GABBR2: variants seen among roughly 807,000 people sequenced by gnomAD.
The protein encoded by GABBR2 is gamma-aminobutyric acid type B receptor subunit 2.
In GABBR2, 23 loss-of-function variants were observed where a neutral mutation model predicts 105.6. The ratio of observed to expected loss-of-function variants is 0.22; its 90% CI spans 0.16 to 0.31. The LOEUF is 0.31. GABBR2 is among the 10% of genes least tolerant of loss of function. The pLI, the probability that GABBR2 is intolerant of heterozygous loss-of-function variation, is 1.00. For synonymous variants in GABBR2, 478 were observed against 499.7 expected (o/e 0.96, Z 0.58); for missense variants, 734 against 1,245.5 (o/e 0.59, Z 6.18).
At chr9:98,380,978 T>C (rs935983327) in intron 11 of GABBR2, among the ~76,000 whole-genome samples, 1 of 152,246 alleles carries the variant, frequency 6.6e-6, no homozygotes, top group Admixed American at 6.5e-5. Flanking sequence ...GAACTGTGAC[T>C]TCGGCTGCGC....
At position 98,306,228 on chromosome 9, in the gene GABBR2, C is replaced by A. The variant is rs267602049; in HGVS notation, c.2122G>T (p.Ala708Ser). 2.1e-5 allele frequency: 34 copies of A among 1,613,920 alleles called. No individual in the cohort carries two copies. Among genetic ancestry groups the A allele is most frequent in the Non-Finnish European group, 2.8e-5 (33 of 1,179,932 alleles). The change falls in exon 15 of 19, where the codon GCT (alanine) becomes TCT (serine). Residue 708 changes from alanine to serine, a missense_variant. Physicochemically the swap from Ala to Ser is moderately conservative, Grantham distance 99 (BLOSUM62 1). This residue lies in a region of GABBR2 where 91 missense variants were observed against 185.9 expected (regional missense o/e 0.49). Transcript: ENST00000259455. The surrounding 1 kb of genome is among the most constrained non-coding windows in gnomAD (Gnocchi z 5.4). ...TGGTCCCGGGTCAGGAAGGAGACAG[C>A]GGCCCCGATGATGCACATGATCCCC... is the stretch of plus-strand genomic sequence containing the variant. ...NVGIMCIIGA[A>S]VSFLTRDQPN... is the part of the protein sequence containing the mutation.
At chr9:98,439,975 C>G (rs186717857) in intron 7 of GABBR2, among the ~76,000 whole-genome samples, 2 of 152,216 alleles carry the variant, frequency 1.3e-5, no homozygotes, top group Non-Finnish European at 2.9e-5. Context: ...AGGGCCAAAG[C>G]ACCATCATTC....
At chr9:98,307,525 ATT>A (rs1429010588) in intron 14 of GABBR2, among the ~76,000 whole-genome samples, 1 of 152,160 alleles carries the variant, frequency 6.6e-6, no homozygotes, top group Non-Finnish European at 1.5e-5. Context: ...TGCATGAACC[ATT>A]TAACATCACA....
At position 98,514,399 on chromosome 9, in the gene GABBR2, T is replaced by TATA. The variant is rs144710548; in HGVS notation, c.631-17888_631-17886dup. Among the ~76,000 whole-genome samples, 18 of 110,010 alleles carry TATA rather than the reference T, an allele frequency of 1.6e-4. 2 individuals are homozygous for TATA. The highest frequency in any genetic ancestry group is 2.1e-4 in the East Asian group (1 of 4,664). The allele number at this position is 110,010 out of a possible 152,430, so 72.2% of individuals were successfully genotyped here. A position where few individuals can be genotyped will look rare whatever the true frequency, so the allele number is the denominator to read the frequency against. ...TGCACATGTACCCTAAAACTTAAAG[T>TATA]ATAATAATAATAATAATAATAATAA... On this transcript the variant is annotated intron_variant, in intron 3 of 18. Transcript: ENST00000259455.
At position 98,682,241 on chromosome 9, in the gene GABBR2, C is replaced by CA. The variant is rs1321061976; in HGVS notation, c.321+26175dup. Reference sequence around the variant, plus strand: ...AAGACTTCATCTCAGAAAAAAAAAACAAAACAAAAAAAAACCCAAAACAAA... The same window carrying CA: ...AAGACTTCATCTCAGAAAAAAAAAACAAAAACAAAAAAAAACCCAAAACAAA... On this transcript the variant is annotated intron_variant, in intron 1 of 18. Transcript: ENST00000259455. 5.0e-5 allele frequency among the ~76,000 whole-genome samples: 7 copies of CA among 140,936 alleles called. No individual in the cohort carries two copies. The South Asian group carries it at 9.1e-4, about 18-fold the overall frequency. 92.5% of individuals were successfully genotyped at this position (140,936 alleles called of 152,430 possible).
chr9:98,644,875 A>G (rs1383187784), intron 1 of GABBR2, among the ~76,000 whole-genome samples: 1 of 152,168 alleles, frequency 6.6e-6, no homozygotes, highest in Non-Finnish European at 1.5e-5. Context: ...TGGGAATGTA[A>G]CATTCTGATA....
chr9:98,298,910 G>A (rs1287699444), intron 17 of GABBR2, among the ~76,000 whole-genome samples: 1 of 152,174 alleles, frequency 6.6e-6, no homozygotes, highest in Non-Finnish European at 1.5e-5. Context: ...TATTCGCTAA[G>A]AACAAAAGGG....
chr9:98,529,939 C>T (rs56177517), intron 3 of GABBR2, among the ~76,000 whole-genome samples: 21,856 of 152,180 alleles, frequency 0.14, 2,418 homozygotes, highest in African/African-American at 0.31. Context: ...GCTATCGAGC[C>T]CCAACAGACT....
At chr9:98,494,756 A>G (rs1263133860) in intron 4 of GABBR2, among the ~76,000 whole-genome samples, 3 of 152,288 alleles carry the variant, frequency 2.0e-5, no homozygotes, top group African/African-American at 7.2e-5. Flanking sequence ...AAAGGTGGCT[A>G]TTTCGGCTGT....
chr9:98,372,609 G>A (rs1170557834), intron 11 of GABBR2, among the ~76,000 whole-genome samples: 6 of 152,216 alleles, frequency 3.9e-5, no homozygotes, highest in Admixed American at 2.0e-4. Context: ...TCTGCATCCA[G>A]AGGAACTGAG....
chr9:98,333,140 C>T (rs908824229), intron 13 of GABBR2, among the ~76,000 whole-genome samples: 2 of 152,022 alleles, frequency 1.3e-5, no homozygotes, highest in African/African-American at 4.8e-5. Context: ...AGCCAAAGGC[C>T]GGGTAATAAA....
intron 1 of GABBR2, among the ~76,000 whole-genome samples, chr9:98,670,379 G>A (rs1830392334): frequency 6.6e-6 from 1 of 152,112 alleles, no homozygotes; most frequent in South Asian, 2.1e-4. Context: ...GGAACCCTTG[G>A]GCACTGTTGG....
intron 3 of GABBR2, among the ~76,000 whole-genome samples, chr9:98,531,782 A>C (rs1046550758): frequency 1.3e-5 from 2 of 152,222 alleles, no homozygotes; most frequent in African/African-American, 4.8e-5. Flanking sequence ...CATTGATCAA[A>C]TGCCTTTCCC....
At chr9:98,418,741 C>T (rs766394295) in intron 7 of GABBR2, among the ~76,000 whole-genome samples, 1 of 152,194 alleles carries the variant, frequency 6.6e-6, no homozygotes, top group Non-Finnish European at 1.5e-5. Flanking sequence ...GTGATGCCTA[C>T]AGAGTTGGCA....
chr9:98,660,949 A>G (rs1830251731), intron 1 of GABBR2, among the ~76,000 whole-genome samples: 1 of 152,234 alleles, frequency 6.6e-6, no homozygotes, highest in Admixed American at 6.5e-5. Context: ...TCTGTTGCCT[A>G]GGCTGGAGTG....
chr9:98,627,275 C>A (rs1829752009), intron 1 of GABBR2, among the ~76,000 whole-genome samples: 1 of 152,124 alleles, frequency 6.6e-6, no homozygotes, highest in African/African-American at 2.4e-5. Context: ...CTGTGGCCCT[C>A]TCCATCATCT....
At chr9:98,415,216 T>C (rs1220896854) in intron 7 of GABBR2, among the ~76,000 whole-genome samples, 1 of 152,198 alleles carries the variant, frequency 6.6e-6, no homozygotes, top group Non-Finnish European at 1.5e-5. Context: ...TACTTTTTAA[T>C]ACTTTACCTA....
chr9:98,371,710 C>A, intron 11 of GABBR2, 139 bp from the exon 12 acceptor site: 1 of 614,014 alleles, frequency 1.6e-6, no homozygotes, highest in Non-Finnish European at 2.9e-6. Context: ...TCATTGGCAT[C>A]TTTCAATCAA....
chr9:98,573,498 G>T (rs1407708084), intron 2 of GABBR2, among the ~76,000 whole-genome samples: 1 of 152,138 alleles, frequency 6.6e-6, no homozygotes, highest in African/African-American at 2.4e-5. Flanking sequence ...TCCCCAGGCT[G>T]GCCTCAAACC....
Sources: gnomAD v4.1 joint callset for allele counts (sites outside exome capture counted in the v4.1 genomes callset) on GRCh38, gnomAD v4.1.1 for gene constraint, gnomAD v4.1.1 regional missense constraint, Gnocchi (gnomAD v3.1) non-coding constraint, MANE v1.5 for transcripts, NCBI Gene and HGNC (gene_info 2026-07-23, HGNC 2026-07-21) for gene names.